Variants in MGAT5 observed in about 807,000 individuals in gnomAD.
The protein encoded by MGAT5 is alpha-1,6-mannosylglycoprotein 6-beta-N-acetylglucosaminyltransferase, also known as alpha-1,6-mannosylglycoprotein 6-beta-N-acetylglucosaminyltransferase A.
Under a neutral mutation model 94.3 loss-of-function variants are expected in MGAT5, and 30 were observed. The observed-to-expected ratio is 0.32, with a 90% confidence interval of 0.24 to 0.43. The LOEUF (loss-of-function observed/expected upper bound fraction) is 0.43, where lower values mean the gene tolerates loss of function less well. Among genes scored for constraint, MGAT5 ranks in the 20% least tolerant of loss-of-function variants. The probability of loss-of-function intolerance (pLI) is 1.00; values close to 1 mark genes in which losing one functional copy is unlikely to be tolerated. For missense variants in MGAT5, 691 were observed against 905.5 expected, an observed-to-expected ratio of 0.76 and a Z score of 3.04; for synonymous variants, 310 against 322.9, an observed-to-expected ratio of 0.96 and a Z score of 0.43.
At chr2:134,444,823 T>A (rs565859057) in intron 15 of MGAT5, among the ~76,000 whole-genome samples, 2 of 152,280 alleles carry the variant, frequency 1.3e-5, no homozygotes. Context: ...AGCCTCGAGT[T>A]CTTGTGCATG....
intron 1 of MGAT5, among the ~76,000 whole-genome samples, chr2:134,135,078 C>T (rs1558950138): frequency 6.6e-6 from 1 of 152,114 alleles, no homozygotes; most frequent in Admixed American, 6.5e-5. Context: ...TCTAATGGCT[C>T]CATTATGTCT....
At chr2:134,167,542 C>T (rs552598167) in intron 1 of MGAT5, among the ~76,000 whole-genome samples, 17 of 152,142 alleles carry the variant, frequency 1.1e-4, no homozygotes, top group Admixed American at 3.9e-4. Flanking sequence ...ATGATGTTGC[C>T]GGTTCGGGGT....
At chr2:134,341,273 G>A (rs796184959) in intron 6 of MGAT5, among the ~76,000 whole-genome samples, 1 of 152,262 alleles carries the variant, frequency 6.6e-6, no homozygotes, top group African/African-American at 2.4e-5. Context: ...AAGACCAATA[G>A]TGTTAGAAAA....
In MGAT5 at chr2:134,381,391, T is replaced by TAAGATAAGATA. The variant is rs1558841803; in HGVS notation, c.1380+18984_1380+18985insAGATAAGATAA. ...GATAAGATAAGATAGATTAGATAGA[T>TAAGATAAGATA]AGATAGATAGATAGATAGATAGATA... On this transcript the variant is annotated intron_variant, in intron 10 of 15. Transcript: ENST00000281923. Among the ~76,000 whole-genome samples, 3 of 79,982 alleles carry TAAGATAAGATA rather than the reference T, an allele frequency of 3.8e-5. No homozygotes were observed. The South Asian group carries it at 1.3e-3, about 35-fold the overall frequency. 52.5% of individuals were successfully genotyped at this position (79,982 alleles called of 152,430 possible).
chr2:134,412,884 G>C lies in MGAT5; in HGVS notation c.1546G>C (p.Gly516Arg), dbSNP rs1683755221. 1 of 1,613,846 alleles carries C rather than the reference G, an allele frequency of 6.2e-7. No homozygotes were observed. Among genetic ancestry groups the C allele is most frequent in the South Asian group, 1.1e-5 (1 of 91,062 alleles). ...LRETKLFVGL[G>R]FPYEGPAPLE... ...TGTCTTACAGTTGTTTGTTGGACTTGGGTTCCCTTACGAGGGCCCAGCTCC... is the reference window on the plus strand; with the variant it reads ...TGTCTTACAGTTGTTTGTTGGACTTCGGTTCCCTTACGAGGGCCCAGCTCC... Residue 516 changes from glycine (G) to arginine (R), a missense_variant, in exon 12 of 16, where the codon GGG (glycine) becomes CGG (arginine). Physicochemically the swap from Gly to Arg is moderately radical, Grantham distance 125. Around this residue, in one of 4 missense-constraint regions of MGAT5, gnomAD observed 260 missense variants for 347.0 expected, o/e 0.75. Transcript: ENST00000281923.
At chr2:134,225,271 A>C (rs1163964250) in intron 1 of MGAT5, among the ~76,000 whole-genome samples, 1 of 152,086 alleles carries the variant, frequency 6.6e-6, no homozygotes, top group Non-Finnish European at 1.5e-5. Context: ...AGGGTGGGCC[A>C]AAAACTGGCA....
Position 134,413,651 on chromosome 2 carries a change from T to G in MGAT5, c.1677+636T>G, listed in dbSNP as rs577739399. ...GTCTTTTACAGCTACGTGTGAGTGA[T>G]CAAGCTGGGTGTTTCTTCATCTGGT... On this transcript the variant is annotated intron_variant, in intron 12 of 15. Transcript: ENST00000281923. Among the ~76,000 whole-genome samples, 80 of 152,344 alleles carry G rather than the reference T, an allele frequency of 5.3e-4. No individual in the cohort carries two copies. In the South Asian group the frequency reaches 0.01, roughly 20 times the overall value.
chr2:134,262,566 T>C (rs1043161115), intron 1 of MGAT5, among the ~76,000 whole-genome samples: 24 of 152,174 alleles, frequency 1.6e-4, no homozygotes, highest in Non-Finnish European at 2.8e-4. Context: ...AAGTTTTTTT[T>C]CTAAAGATGG....
chr2:134,263,066 G>A (rs552977768), intron 1 of MGAT5, among the ~76,000 whole-genome samples: 1 of 152,290 alleles, frequency 6.6e-6, no homozygotes, highest in Non-Finnish European at 1.5e-5. Flanking sequence ...TTCTGGCATG[G>A]TACAGCAAGC....
At chr2:134,131,212 A>G (rs1453972503) in intron 1 of MGAT5, among the ~76,000 whole-genome samples, 1 of 152,240 alleles carries the variant, frequency 6.6e-6, no homozygotes, top group African/African-American at 2.4e-5. Context: ...ATCAGAAGGA[A>G]CAAACTCCGG....
chr2:134,438,944 T>G (rs548238945), intron 14 of MGAT5, among the ~76,000 whole-genome samples: 1 of 152,344 alleles, frequency 6.6e-6, no homozygotes, highest in Admixed American at 6.5e-5. Context: ...GTTCTAGGTT[T>G]CCTGCCAACT....
rs1289308564 is a variant in MGAT5 at position 134,232,525 on chromosome 2, A to G, written c.-142-21737A>G. On this transcript the variant is annotated intron_variant, in intron 1 of 16. Transcript: ENST00000409645. ...GGATGATACCCAATAAGTAATGCTT[A>G]GAAAACAATTTATTTTGAAATAATT... Among the ~76,000 whole-genome samples, 4 of 152,256 alleles carry G rather than the reference A, an allele frequency of 2.6e-5. No individual in the cohort carries two copies. In the East Asian group the frequency reaches 7.7e-4, roughly 29 times the overall value.
At chr2:134,334,040 C>G (rs1285120205) in intron 4 of MGAT5, among the ~76,000 whole-genome samples, 1 of 152,150 alleles carries the variant, frequency 6.6e-6, no homozygotes, top group Non-Finnish European at 1.5e-5. Flanking sequence ...AATTGATTTT[C>G]CCACCATTAC....
intron 12 of MGAT5, among the ~76,000 whole-genome samples, chr2:134,421,462 A>G (rs555910817): frequency 4.9e-4 from 74 of 152,068 alleles, no homozygotes; most frequent in South Asian, 2.9e-3. Flanking sequence ...GTGCGCACCT[A>G]TAGTTCCAGC....
chr2:134,251,652 T>G (rs1385881501), upstream of MGAT5, among the ~76,000 whole-genome samples: 1 of 152,216 alleles, frequency 6.6e-6, no homozygotes, highest in Non-Finnish European at 1.5e-5. Context: ...ACAATAATTA[T>G]ACATAATAAT....
At chr2:134,408,028 C>T (rs1683442157) in intron 11 of MGAT5, among the ~76,000 whole-genome samples, 1 of 152,232 alleles carries the variant, frequency 6.6e-6, no homozygotes, top group Non-Finnish European at 1.5e-5. Flanking sequence ...TCTGTGTATT[C>T]TCTCTTTGCA....
chr2:134,322,330 G>A (rs1462466335), intron 4 of MGAT5, among the ~76,000 whole-genome samples: 3 of 152,068 alleles, frequency 2.0e-5, no homozygotes, highest in Admixed American at 1.3e-4. Context: ...TTTGACTTCT[G>A]GTAATATAGA....
At chr2:134,142,747 T>A (rs1686715988) in intron 1 of MGAT5, among the ~76,000 whole-genome samples, 1 of 152,018 alleles carries the variant, frequency 6.6e-6, no homozygotes, top group Non-Finnish European at 1.5e-5. Flanking sequence ...CAGGGAAGTG[T>A]TTGTTTTGTT....
chr2:134,153,472 G>T (rs985692159), intron 1 of MGAT5, among the ~76,000 whole-genome samples: 5 of 152,142 alleles, frequency 3.3e-5, no homozygotes, highest in African/African-American at 1.2e-4. Flanking sequence ...CACAAGAACT[G>T]ATTTCCCTGG....
Sources: gnomAD v4.1 joint callset for allele counts (sites outside exome capture counted in the v4.1 genomes callset) on GRCh38, gnomAD v4.1.1 for gene constraint, gnomAD v4.1.1 regional missense constraint, MANE v1.5 for transcripts, NCBI Gene and HGNC (gene_info 2026-07-23, HGNC 2026-07-21) for gene names.